Variants in SMPD3 observed in about 807,000 individuals in gnomAD.
The protein encoded by SMPD3 is sphingomyelin phosphodiesterase 3.
Under a neutral mutation model 55.7 loss-of-function variants are expected in SMPD3, and 21 were observed. That is an observed-to-expected ratio of 0.38 (90% CI 0.27 to 0.54). SMPD3 has a LOEUF of 0.54. Among genes scored for constraint, SMPD3 ranks in the 20% least tolerant of loss-of-function variants. The probability of loss-of-function intolerance (pLI) is 0.80; values close to 1 mark genes in which losing one functional copy is unlikely to be tolerated. For missense variants in SMPD3, 842 were observed against 899.6 expected, an observed-to-expected ratio of 0.94 and a Z score of 0.82; for synonymous variants, 457 against 404.3, an observed-to-expected ratio of 1.13 and a Z score of -1.56.
chr16:68,448,065 C>A (rs905351672), intron 1 of SMPD3, among the ~76,000 whole-genome samples: 1 of 152,116 alleles, frequency 6.6e-6, no homozygotes, highest in African/African-American at 2.4e-5. Context: ...CCAGGCACAG[C>A]GGGAGGGAGG....
chr16:68,381,136 C>A (rs963846665), intron 2 of SMPD3, among the ~76,000 whole-genome samples: 3 of 152,196 alleles, frequency 2.0e-5, no homozygotes, highest in Admixed American at 1.3e-4. Flanking sequence ...ACTCACCCTC[C>A]CAGGCGGCTG....
intron 1 of SMPD3, among the ~76,000 whole-genome samples, chr16:68,389,308 C>T (rs148842642): frequency 1.3e-5 from 2 of 152,230 alleles, no homozygotes; most frequent in African/African-American, 4.8e-5. Context: ...CACCAGGAGG[C>T]CTCAATCCCA....
chr16:68,445,404 A>G (rs1351100891), intron 1 of SMPD3, among the ~76,000 whole-genome samples: 1 of 152,220 alleles, frequency 6.6e-6, no homozygotes, highest in East Asian at 1.9e-4. Context: ...AACTTGAACA[A>G]AGACCTTCAA....
intron 1 of SMPD3, among the ~76,000 whole-genome samples, chr16:68,426,644 C>T (rs1189655085): frequency 6.6e-6 from 1 of 152,178 alleles, no homozygotes; most frequent in Admixed American, 6.5e-5. Flanking sequence ...GGAAATAGCA[C>T]CCAAAATAGA....
At chr16:68,362,232 C>T (rs146449707) in intron 7 of SMPD3, among the ~76,000 whole-genome samples, 1,527 of 152,258 alleles carry the variant, frequency 0.01, 24 homozygotes, top group African/African-American at 0.033. Context: ...CTGTGTGACT[C>T]TGCTTATGTT....
intron 5 of SMPD3, chr16:68,364,291 A>G: frequency 4.5e-6 from 1 of 224,252 alleles, no homozygotes; most frequent in Non-Finnish European, 8.7e-6. Context: ...CAGTGCAATC[A>G]CTGCCTGGCT....
At chr16:68,383,462 G>A (rs1180636800) in intron 2 of SMPD3, among the ~76,000 whole-genome samples, 1 of 152,200 alleles carries the variant, frequency 6.6e-6, no homozygotes, top group Non-Finnish European at 1.5e-5. Context: ...AACCAGATTG[G>A]CCTTAGGAAA....
intron 2 of SMPD3, among the ~76,000 whole-genome samples, chr16:68,381,755 A>C (rs1440325115): frequency 6.6e-6 from 1 of 152,184 alleles, no homozygotes; most frequent in Admixed American, 6.5e-5. Context: ...GTGGGCAAGA[A>C]GAAAACCTTT....
chr16:68,389,100 G>C (rs375425852), intron 1 of SMPD3, among the ~76,000 whole-genome samples: 1 of 152,234 alleles, frequency 6.6e-6, no homozygotes, highest in Non-Finnish European at 1.5e-5. Context: ...GCTGAGCAGG[G>C]CCTGCAATGC....
intron 2 of SMPD3, among the ~76,000 whole-genome samples, chr16:68,385,139 C>T (rs1466206462): frequency 6.6e-6 from 1 of 152,150 alleles, no homozygotes; most frequent in Non-Finnish European, 1.5e-5. Context: ...TGCACAACTA[C>T]CCCAAATGGG....
At chr16:68,369,457 G>A (rs2151980383) in intron 3 of SMPD3, 1 of 152,130 alleles carries the variant, frequency 6.6e-6, no homozygotes, top group South Asian at 2.1e-4. Flanking sequence ...CTGGGGTAGG[G>A]GGCGGGGGAG....
chr16:68,364,936 A>G, intron 4 of SMPD3, 30 bp from the exon 5 acceptor site: 2 of 1,612,832 alleles, frequency 1.2e-6, no homozygotes, highest in Non-Finnish European at 8.5e-7. Flanking sequence ...AGACTGGATG[A>G]TGAAGTTCGC....
Position 68,360,564 on chromosome 16 carries a change from TTTC to T in SMPD3, c.*639_*641del, listed in dbSNP as rs1812271223. On this transcript the variant is annotated 3_prime_UTR_variant, in exon 9 of 9. Coordinates refer to ENST00000219334, the MANE Select transcript of SMPD3 (RefSeq NM_018667.4). ...GTTTTGTGATTAACCTTTTTCTGTT[TTTC>T]TTTTTAAAATGTAATTGCCCTTGAA... The T allele has an allele frequency of 6.5e-6, 1 of 152,986 alleles. No homozygotes were observed. Among genetic ancestry groups the T allele is most frequent in the African/African-American group, 2.4e-5 (1 of 41,450 alleles). 9.5% of individuals were successfully genotyped at this position (152,986 alleles called of 1,614,324 possible).
rs368965574 is a variant in SMPD3, at chr16:68,371,020, C to T, written c.1162G>A (p.Asp388Asn). The T allele has an allele frequency of 1.3e-5, 21 of 1,614,090 alleles. No homozygotes were observed. The highest frequency in any genetic ancestry group is 1.8e-5 in the Non-Finnish European group (21 of 1,180,050). The change falls in exon 3 of 9, where the codon GAC becomes AAC. Residue 388 changes from aspartate (D) to asparagine (N), a missense_variant. Asp to Asn is a conservative substitution (Grantham distance 23). Around this residue, in one of 2 missense-constraint regions of SMPD3, gnomAD observed 649 missense variants for 643.6 expected, o/e 1.01. Transcript: ENST00000219334. ...CCCTGGCAGCCGTAGACCCCGACGT[C>T]GTACAGGATGTACTCGAAGTAGCCG... is the stretch of plus-strand genomic sequence containing the variant. ...LHGYFEYILY[D>N]VGVYGCQGCC... is the part of the protein sequence containing the mutation.
intron 1 of SMPD3, among the ~76,000 whole-genome samples, chr16:68,434,670 C>A (rs2090507580): frequency 6.6e-6 from 1 of 152,164 alleles, no homozygotes; most frequent in Non-Finnish European, 1.5e-5. Context: ...CCTTTCTTTT[C>A]TGACTTTTGA....
intron 1 of SMPD3, among the ~76,000 whole-genome samples, chr16:68,395,580 G>A (rs898812907): frequency 2.6e-5 from 4 of 152,208 alleles, no homozygotes; most frequent in Non-Finnish European, 4.4e-5. Flanking sequence ...AGCCTGAGAC[G>A]GGGCAGGTGA....
At chr16:68,427,195 G>A (rs2090442876) in intron 1 of SMPD3, among the ~76,000 whole-genome samples, 1 of 151,902 alleles carries the variant, frequency 6.6e-6, no homozygotes, top group Non-Finnish European at 1.5e-5. Flanking sequence ...AAGAGACAGG[G>A]TTTCACCACG....
chr16:68,384,617 C>T (rs1597630728), intron 2 of SMPD3, among the ~76,000 whole-genome samples: 1 of 152,244 alleles, frequency 6.6e-6, no homozygotes, highest in South Asian at 2.1e-4. Flanking sequence ...GGACCAGGGA[C>T]CCTGCCCATG....
chr16:68,392,965 A>G (rs917350159), intron 1 of SMPD3, among the ~76,000 whole-genome samples: 1 of 151,950 alleles, frequency 6.6e-6, no homozygotes, highest in African/African-American at 2.4e-5. Flanking sequence ...AATCAGCCAG[A>G]ACATTGATCT....
Sources: allele counts gnomAD v4.1 joint callset (sites outside exome capture counted in the v4.1 genomes callset), GRCh38; gene constraint gnomAD v4.1.1; regional missense constraint gnomAD v4.1.1; transcripts MANE v1.5; gene names NCBI Gene and HGNC (gene_info 2026-07-23, HGNC 2026-07-21).